The following PKLR variants were observed in gnomAD, a reference collection of about 807,000 sequenced individuals.
PKLR encodes the protein pyruvate kinase L/R, also known as pyruvate kinase PKLR.
PKLR carries 38 observed loss-of-function variants against 53.6 expected under a neutral mutation model. That is an observed-to-expected ratio of 0.71 (90% CI 0.55 to 0.93). The LOEUF is 0.93. PKLR is among the 40% of genes least tolerant of loss of function. PKLR has a pLI of 0.00. For synonymous variants in PKLR, 328 were observed against 316.2 expected (o/e 1.04, Z -0.39); for missense variants, 702 against 787.3 (o/e 0.89, Z 1.30).
chr1:155,308,232 T>C, the PKLR span, among the ~76,000 whole-genome samples: 2 of 151,446 alleles, frequency 1.3e-5, no homozygotes, highest in South Asian at 2.1e-4. Context: ...CGACTAATTT[T>C]TTTTTTTTGT....
Position 155,293,372 on chromosome 1 carries a change from AG to A in PKLR, c.1270-30del, listed in dbSNP as rs761500584. The A allele has an allele frequency of 6.2e-7, 1 of 1,614,198 alleles. No individual in the cohort carries two copies. Among genetic ancestry groups the A allele is most frequent in the South Asian group, 1.1e-5 (1 of 91,084 alleles). On this transcript the variant is annotated intron_variant, in intron 8 of 10. Coordinates refer to ENST00000342741, the MANE Select transcript of PKLR (RefSeq NM_000298.6). This position sits in a 1 kb window ranked among gnomAD's most constrained non-coding sequence, Gnocchi z 4.2. ...CAGGTGCCAGAATGTTAGTCTGGGA[AG>A]GGGCACTGGGGTATGGAAGGGATTT... is the stretch of plus-strand genomic sequence containing the variant.
the PKLR span, among the ~76,000 whole-genome samples, chr1:155,307,008 G>A: frequency 2.0e-5 from 3 of 152,128 alleles, no homozygotes; most frequent in African/African-American, 4.8e-5. Context: ...TCTGCCTCCC[G>A]GGTTCAAGCG....
chr1:155,302,001 C>T (rs540735750), upstream of PKLR, among the ~76,000 whole-genome samples: 8 of 152,084 alleles, frequency 5.3e-5, no homozygotes, highest in South Asian at 1.2e-3. Context: ...TAGACTCCTA[C>T]CCCCAGGGAA....
the PKLR span, among the ~76,000 whole-genome samples, chr1:155,307,242 C>T: frequency 2.0e-5 from 3 of 152,250 alleles, no homozygotes; most frequent in African/African-American, 7.2e-5. Flanking sequence ...GTTCAAGATG[C>T]CAAGAACCTG....
At chr1:155,292,682 TA>T (rs1458036866) in intron 9 of PKLR, among the ~76,000 whole-genome samples, 1 of 152,074 alleles carries the variant, frequency 6.6e-6, no homozygotes, top group African/African-American at 2.4e-5. Context: ...CCCAAGAGTA[TA>T]AAACCCTTTT....
intron 2 of PKLR, among the ~76,000 whole-genome samples, chr1:155,297,456 G>A (rs891685409): frequency 1.3e-5 from 2 of 151,876 alleles, no homozygotes; most frequent in Non-Finnish European, 2.9e-5. Flanking sequence ...CCCCATATCC[G>A]ATCAATTAGC....
chr1:155,302,956 G>C (rs1648111868), upstream of PKLR, among the ~76,000 whole-genome samples: 1 of 152,116 alleles, frequency 6.6e-6, no homozygotes, highest in Admixed American at 6.5e-5. Flanking sequence ...GAACACCTAT[G>C]CTCAAGTGGT....
intron 2 of PKLR, among the ~76,000 whole-genome samples, chr1:155,299,186 C>CTTCT (rs973349525): frequency 2.3e-5 from 3 of 128,374 alleles, no homozygotes; most frequent in African/African-American, 8.8e-5. Context: ...TCTTTCTTTC[C>CTTCT]TTCTTTCTTT....
chr1:155,294,969 G>T, intron 5 of PKLR, 147 bp downstream of exon 5: 2 of 1,064,026 alleles, frequency 1.9e-6, no homozygotes, highest in Non-Finnish European at 2.8e-6. Context: ...TGAGCGCAGA[G>T]TCTACACGCT....
Position 155,293,000 on chromosome 1 carries a change from C to A in PKLR, c.1436+177G>T, listed in dbSNP as rs771442325. Among the ~76,000 whole-genome samples the A allele has an allele frequency of 1.1e-4, 17 of 152,152 alleles. No individual in the cohort carries two copies. The highest frequency in any genetic ancestry group is 2.4e-4 in the Non-Finnish European group (16 of 68,018). On this transcript the variant is annotated intron_variant, in intron 9 of 10. Transcript: ENST00000342741. ...GTGATGCCGCTGTCCCCTTCCAGCC[C>A]CCAGAAGCTCACTGGCATTCTGTCT...
intron 9 of PKLR, 66 bp from the exon 10 acceptor site, chr1:155,292,003 T>G: frequency 6.7e-7 from 1 of 1,485,838 alleles, no homozygotes. Flanking sequence ...AGGAGAATCT[T>G]TGTTCCAGTT....
upstream of PKLR, among the ~76,000 whole-genome samples, chr1:155,302,344 A>C (rs534321799): frequency 2.4e-4 from 34 of 144,152 alleles, no homozygotes; most frequent in African/African-American, 8.6e-4. Flanking sequence ...TCAAGCGATT[A>C]TCCTGTCTCA....
In PKLR at chr1:155,295,645, C is replaced by A; in HGVS notation, c.375+20G>T. 6.2e-7 allele frequency: 1 copy of A among 1,614,064 alleles called. No individual in the cohort carries two copies. On this transcript the variant is annotated intron_variant, in intron 3 of 10. Coordinates refer to ENST00000342741, the MANE Select transcript of PKLR (RefSeq NM_000298.6). This position sits in a 1 kb window ranked among gnomAD's most constrained non-coding sequence, Gnocchi z 4.3. ...AGGCATCCTCCTGCCCCACCCACTG[C>A]CCGGCGGCCCGTCCCGCACCTCGTG...
Position 155,290,534 on chromosome 1 carries a change from G to A in PKLR, c.*38C>T, listed in dbSNP as rs773153185. On this transcript the variant is annotated 3_prime_UTR_variant, in exon 11 of 11. Coordinates refer to ENST00000342741, the MANE Select transcript of PKLR (RefSeq NM_000298.6). ...CGTAGACTGGGGAGGAAGGGATGGG[G>A]TACAAGGGTAGGCTGGGCCAGAGGA... is the stretch of plus-strand genomic sequence containing the variant. The A allele has an allele frequency of 7.2e-6, 9 of 1,245,848 alleles. No homozygotes were observed. Among genetic ancestry groups the A allele is most frequent in the Admixed American group, 3.4e-5 (2 of 58,872 alleles). 77.2% of individuals were successfully genotyped at this position (1,245,848 alleles called of 1,614,324 possible). A position where few individuals can be genotyped will look rare whatever the true frequency, so the allele number is the denominator to read the frequency against.
At chr1:155,298,619 G>C (rs1182134481) in intron 2 of PKLR, among the ~76,000 whole-genome samples, 1 of 150,586 alleles carries the variant, frequency 6.6e-6, no homozygotes, top group South Asian at 2.1e-4. Context: ...GAGCCACCGC[G>C]CCCAGCTTTT....
chr1:155,299,201 C>T lies in PKLR; in HGVS notation c.283+897G>A, dbSNP rs1647840343. 2.3e-5 allele frequency among the ~76,000 whole-genome samples: 3 copies of T among 131,004 alleles called. No individual in the cohort carries two copies. In the East Asian group the frequency reaches 7.7e-4, roughly 33 times the overall value. The allele number at this position is 131,004 out of a possible 152,430, so 85.9% of individuals were successfully genotyped here. A position where few individuals can be genotyped will look rare whatever the true frequency, so the allele number is the denominator to read the frequency against. ...TCTTTCTTTCCTTCTTTCTTTCTTT[C>T]TCTCTTTCTCTCTAGGGTCTCGTCT... is the stretch of plus-strand genomic sequence containing the variant. On this transcript the variant is annotated intron_variant, in intron 2 of 10. Coordinates refer to ENST00000342741, the MANE Select transcript of PKLR (RefSeq NM_000298.6).
upstream of PKLR, among the ~76,000 whole-genome samples, chr1:155,301,683 A>G (rs927302032): frequency 6.6e-6 from 1 of 151,518 alleles, no homozygotes; most frequent in African/African-American, 2.4e-5. Context: ...TTTTCTTTGT[A>G]CTTTACTGAA....
At chr1:155,301,269 T>A (rs1647975985) in intron 1 of PKLR, 27 bp downstream of exon 1, 2 of 1,613,298 alleles carry the variant, frequency 1.2e-6, no homozygotes, top group African/African-American at 1.3e-5. Context: ...CCTCCTATGT[T>A]CCATGGCTTC....
intron 5 of PKLR, 42 bp from the exon 6 acceptor site, chr1:155,294,794 CG>C (rs756356954): frequency 1.2e-6 from 2 of 1,611,742 alleles, no homozygotes; most frequent in South Asian, 2.2e-5. Context: ...GGGGTGAGGA[CG>C]GGGCACAGTT....
Sources: allele counts gnomAD v4.1 joint callset (sites outside exome capture counted in the v4.1 genomes callset), GRCh38; gene constraint gnomAD v4.1.1; non-coding constraint Gnocchi (gnomAD v3.1); transcripts MANE v1.5; gene names NCBI Gene and HGNC (gene_info 2026-07-23, HGNC 2026-07-21).